The following ABCB11 variants were observed in gnomAD, a reference collection of about 807,000 sequenced individuals.
The protein encoded by ABCB11 is ATP binding cassette subfamily B member 11.
Under a neutral mutation model 148.0 loss-of-function variants are expected in ABCB11, and 95 were observed. The observed-to-expected ratio is 0.64, with a 90% CI of 0.54 to 0.76. The LOEUF is 0.76. Among genes scored for constraint, ABCB11 ranks in the 30% least tolerant of loss-of-function variants. The probability of loss-of-function intolerance (pLI) is 0.00; values close to 1 mark genes in which losing one functional copy is unlikely to be tolerated. For missense variants in ABCB11, 1,523 were observed against 1,617.8 expected (o/e 0.94, Z 1.01); for synonymous variants, 591 against 555.4 (o/e 1.06, Z -0.90).
chr2:168,949,819 T>C (rs1265443593), intron 19 of ABCB11, among the ~76,000 whole-genome samples: 2 of 151,478 alleles, frequency 1.3e-5, no homozygotes, highest in African/African-American at 4.8e-5. Flanking sequence ...GAATCAGCAG[T>C]ATGGGGAAGG....
chr2:169,005,632 C>G (rs950514554), intron 5 of ABCB11, among the ~76,000 whole-genome samples: 2 of 152,040 alleles, frequency 1.3e-5, no homozygotes, highest in South Asian at 2.1e-4. Context: ...ACAAGCCTCC[C>G]CATTGAGAAA....
In ABCB11 at chr2:168,936,492, A is replaced by T. The variant is rs1691834210; in HGVS notation, c.2611-59T>A. The stretch of plus-strand genomic sequence containing the variant: ...CACACAGTCGCTTTTACCAATTACC[A>T]TTACACAAAAAGGTCAGACCTTTTA... On this transcript the variant is annotated intron_variant, in intron 21 of 27. Transcript: ENST00000650372. 3.9e-6 allele frequency: 6 copies of T among 1,526,374 alleles called. No individual in the cohort carries two copies. The South Asian group carries it at 6.8e-5, about 17-fold the overall frequency. 94.6% of individuals were successfully genotyped at this position (1,526,374 alleles called of 1,614,324 possible). A position where few individuals can be genotyped will look rare whatever the true frequency, so the allele number is the denominator to read the frequency against.
At chr2:168,950,852 T>C (rs7558863) in intron 19 of ABCB11, among the ~76,000 whole-genome samples, 29,243 of 151,670 alleles carry the variant, frequency 0.19, 2,962 homozygotes, top group Non-Finnish European at 0.22. Context: ...ATTCTTTGCC[T>C]AAGCAAATGT....
intron 18 of ABCB11, among the ~76,000 whole-genome samples, chr2:168,959,511 C>T (rs540681098): frequency 2.0e-5 from 3 of 151,638 alleles, no homozygotes; most frequent in Non-Finnish European, 3.0e-5. Flanking sequence ...ATCCTTAAAA[C>T]GAGAGACTTG....
At chr2:168,953,634 T>C (rs1410482541) in intron 19 of ABCB11, among the ~76,000 whole-genome samples, 1 of 151,626 alleles carries the variant, frequency 6.6e-6, no homozygotes, top group African/African-American at 2.4e-5. Context: ...GATTATTTTT[T>C]TAATCCATTC....
chr2:169,017,392 T>C (rs544710578), intron 2 of ABCB11, among the ~76,000 whole-genome samples: 1 of 152,248 alleles, frequency 6.6e-6, no homozygotes, highest in East Asian at 1.9e-4. Flanking sequence ...GGGAGCTTTG[T>C]CATTCAACAC....
chr2:169,017,176 C>T (rs1228042277), intron 2 of ABCB11, among the ~76,000 whole-genome samples: 1 of 139,606 alleles, frequency 7.2e-6, no homozygotes, highest in Non-Finnish European at 1.5e-5. Flanking sequence ...TTGTCTGGTT[C>T]TTTAAAAGCA....
intron 1 of ABCB11, among the ~76,000 whole-genome samples, chr2:169,019,061 G>A (rs1695459239): frequency 6.6e-6 from 1 of 152,066 alleles, no homozygotes; most frequent in Non-Finnish European, 1.5e-5. Context: ...GGAGCCAGAG[G>A]AGCTAATGTG....
At chr2:169,025,381 C>T (rs1436997891) in intron 1 of ABCB11, among the ~76,000 whole-genome samples, 1 of 152,168 alleles carries the variant, frequency 6.6e-6, no homozygotes, top group African/African-American at 2.4e-5. Context: ...GTGGTAAAAT[C>T]CACCTTGCAG....
intron 9 of ABCB11, among the ~76,000 whole-genome samples, chr2:168,988,655 G>T (rs185596834): frequency 7.9e-5 from 12 of 152,178 alleles, no homozygotes; most frequent in Admixed American, 2.0e-4. Context: ...TGGATCATAT[G>T]GTAGTTCTGT....
At position 169,013,378 on chromosome 2, in the gene ABCB11, C is replaced by A; in HGVS notation, c.283G>T (p.Val95Phe). The A allele has an allele frequency of 6.2e-7, 1 of 1,613,796 alleles. No homozygotes were observed. Among genetic ancestry groups the A allele is most frequent in the South Asian group, 1.1e-5 (1 of 91,068 alleles). The change falls in exon 5 of 28, where the codon GTT (valine) becomes TTT (phenylalanine). Residue 95 changes from valine to phenylalanine, a missense_variant. Coordinates refer to ENST00000650372, the MANE Select transcript of ABCB11 (RefSeq NM_003742.4). ...TMTDVFIDYD[V>F]ELQELQIPGK... ...GGAATCTGGAGTTCTTGTAACTCAA[C>A]GTCGTAGTCAATAAAAACATCTGTC... is the stretch of plus-strand genomic sequence containing the variant.
chr2:169,015,368 C>CCTT (rs1245449872), intron 3 of ABCB11, among the ~76,000 whole-genome samples: 131 of 152,274 alleles, frequency 8.6e-4, no homozygotes, highest in African/African-American at 3.0e-3. Context: ...AGCTTCCCTT[C>CCTT]TGGCCCAGAA....
chr2:168,978,390 C>T (rs1470561047), intron 11 of ABCB11, among the ~76,000 whole-genome samples: 1 of 151,976 alleles, frequency 6.6e-6, no homozygotes, highest in Non-Finnish European at 1.5e-5. Flanking sequence ...CCCGACTTGG[C>T]CTCCCAAAGT....
At chr2:169,002,381 A>C (rs1694902404) in intron 5 of ABCB11, among the ~76,000 whole-genome samples, 1 of 152,174 alleles carries the variant, frequency 6.6e-6, no homozygotes, top group East Asian at 1.9e-4. Flanking sequence ...CATTATGGAA[A>C]TATGTATGTA....
chr2:168,952,844 G>A (rs1396425395), intron 19 of ABCB11, among the ~76,000 whole-genome samples: 1 of 151,372 alleles, frequency 6.6e-6, no homozygotes, highest in African/African-American at 2.4e-5. Flanking sequence ...GGCATTTAAT[G>A]CTATCAACTT....
At position 168,924,728 on chromosome 2, in the gene ABCB11, C is replaced by T. The variant is rs993217582; in HGVS notation, c.3694G>A (p.Ala1232Thr). The T allele has an allele frequency of 6.2e-7, 1 of 1,613,620 alleles. No homozygotes were observed. The highest frequency in any genetic ancestry group is 1.7e-5 in the Admixed American group (1 of 59,970). The change falls in exon 27 of 28, where the codon GCC (alanine) becomes ACC (threonine). Residue 1232 changes from alanine to threonine, a missense_variant. Physicochemically the swap from Ala to Thr is moderately conservative, Grantham distance 58. Transcript: ENST00000650372. ...AAGATTTTAGGATCTCGTACAATGG[C>T]CCGAGCAATAGCAATGCGTTGTTTC... ...GEKQRIAIAR[A>T]IVRDPKILLL...
At chr2:169,010,069 C>T (rs962656286) in intron 5 of ABCB11, among the ~76,000 whole-genome samples, 2 of 152,062 alleles carry the variant, frequency 1.3e-5, no homozygotes, top group African/African-American at 4.8e-5. Context: ...TCCAAAAAGC[C>T]CCTAAAATTC....
chr2:168,932,880 C>T (rs188581389), intron 23 of ABCB11, among the ~76,000 whole-genome samples: 57 of 152,120 alleles, frequency 3.7e-4, no homozygotes, highest in African/African-American at 1.3e-3. Flanking sequence ...GAGGCCGAGG[C>T]GGGCGGATCA....
rs1332078510 is a variant in ABCB11, at chr2:168,990,785, A to T, written c.908+16T>A. The stretch of plus-strand genomic sequence containing the variant: ...TTGATGAAATTAAGGAAAGAATCAG[A>T]TTCCAATTAACCAACCTTTCAACCT... On this transcript the variant is annotated intron_variant, in intron 9 of 27. Coordinates refer to ENST00000650372, the MANE Select transcript of ABCB11 (RefSeq NM_003742.4). 1 of 1,612,196 alleles carries T rather than the reference A, an allele frequency of 6.2e-7. No individual in the cohort carries two copies. The highest frequency in any genetic ancestry group is 1.3e-5 in the African/African-American group (1 of 74,844).
Sources: allele counts gnomAD v4.1 joint callset (sites outside exome capture counted in the v4.1 genomes callset), GRCh38; gene constraint gnomAD v4.1.1; transcripts MANE v1.5; gene names NCBI Gene and HGNC (gene_info 2026-07-23, HGNC 2026-07-21).